BMP2K: variants seen among roughly 807,000 people sequenced by gnomAD.
BMP2K encodes the protein BMP2 inducible kinase, also known as BMP-2-inducible protein kinase.
BMP2K carries 74 observed loss-of-function variants against 116.0 expected under a neutral mutation model. The observed-to-expected ratio is 0.64, with a 90% CI of 0.53 to 0.77. The LOEUF (loss-of-function observed/expected upper bound fraction) is 0.77. BMP2K is among the 30% of genes least tolerant of loss of function. BMP2K has a pLI of 0.00. For synonymous variants in BMP2K, 486 were observed against 502.5 expected, an observed-to-expected ratio of 0.97 and a Z score of 0.44; for missense variants, 1,365 against 1,403.6, an observed-to-expected ratio of 0.97 and a Z score of 0.44.
rs77857328 is a variant in BMP2K at position 78,905,812 on chromosome 4, AT to A, written c.2063-4787del. Among the ~76,000 whole-genome samples, 109 of 149,780 alleles carry A rather than the reference AT, an allele frequency of 7.3e-4. 3 individuals are homozygous for A. The East Asian group carries it at 0.017, about 24-fold the overall frequency. On this transcript the variant is annotated intron_variant, in intron 15 of 15. Coordinates refer to ENST00000502613, the MANE Select transcript of BMP2K (RefSeq NM_198892.2). Reference sequence around the variant, plus strand: ...GACACAAATAGTGGGAAGATCTGAAATTTTTTTTTTTAAATTATAGGAATAT... The same window carrying A: ...GACACAAATAGTGGGAAGATCTGAAATTTTTTTTTTAAATTATAGGAATAT...
chr4:78,809,056 C>T (rs891803635), intron 1 of BMP2K, among the ~76,000 whole-genome samples: 1 of 152,212 alleles, frequency 6.6e-6, no homozygotes, highest in African/African-American at 2.4e-5. Context: ...GTATTGAATT[C>T]TCCAACTACT....
intron 8 of BMP2K, 22 bp from the exon 9 acceptor site, chr4:78,861,367 G>A (rs758642777): frequency 9.0e-6 from 14 of 1,560,644 alleles, no homozygotes; most frequent in Middle Eastern, 1.7e-4. Flanking sequence ...AAAATGAGAC[G>A]TTTTATTTTT....
At position 78,851,024 on chromosome 4, in the gene BMP2K, C is replaced by A. The variant is rs1385275066; in HGVS notation, c.851C>A (p.Ser284Tyr). The A allele has an allele frequency of 6.2e-7, 1 of 1,611,580 alleles. No individual in the cohort carries two copies. Among genetic ancestry groups the A allele is most frequent in the Non-Finnish European group, 8.5e-7 (1 of 1,178,636 alleles). The change falls in exon 7 of 16, where the codon TCT becomes TAT. Residue 284 changes from serine (S) to tyrosine (Y), a missense_variant. By Grantham distance (144) the Ser-to-Tyr change is moderately radical. Transcript: ENST00000502613. ...CDGNFTIPDN[S>Y]RYSRNIHCLI... ...GGCAACTTCACCATCCCAGACAATTCTCGTTACTCCCGTAACATACATTGC... is the reference window on the plus strand; with the variant it reads ...GGCAACTTCACCATCCCAGACAATTATCGTTACTCCCGTAACATACATTGC...
chr4:78,776,993 C>A (rs1727281713), intron 1 of BMP2K, among the ~76,000 whole-genome samples: 2 of 152,016 alleles, frequency 1.3e-5, no homozygotes, highest in Admixed American at 1.3e-4. Flanking sequence ...AGTAGACGGG[C>A]TAGGAAGTGG....
Position 78,872,675 on chromosome 4 carries a change from A to C in BMP2K, c.1670A>C (p.Gln557Pro). The change falls in exon 13 of 16, where the codon CAA (glutamine) becomes CCA (proline). Residue 557 changes from glutamine (Q) to proline (P), a missense_variant. Gln to Pro is a moderately conservative substitution (Grantham distance 76). Transcript: ENST00000502613. ...QQMLAQHQPSQQQASPEYLTS... is the reference protein window; with the variant it reads ...QQMLAQHQPSPQQASPEYLTS... ...ATGCTAGCTCAACATCAGCCGTCTCAACAACAGGCATCACCTGAATATCTT... is the reference window on the plus strand; with the variant it reads ...ATGCTAGCTCAACATCAGCCGTCTCCACAACAGGCATCACCTGAATATCTT... 6.2e-7 allele frequency: 1 copy of C among 1,614,148 alleles called. No homozygotes were observed. Among genetic ancestry groups the C allele is most frequent in the Non-Finnish European group, 8.5e-7 (1 of 1,180,006 alleles).
chr4:78,887,283 A>C lies in BMP2K; in HGVS notation c.2061A>C (p.Ser687=). 2.5e-6 allele frequency: 4 copies of C among 1,596,716 alleles called. No individual in the cohort carries two copies. The highest frequency in any genetic ancestry group is 3.4e-6 in the Non-Finnish European group (4 of 1,168,324). Residue 687 remains serine, a splice_region_variant and synonymous_variant, in exon 15 of 16, where the codon TCA becomes TCC. Transcript: ENST00000502613. ...PFGSVPFISH[S]GSPEKKAEHS... ...GTTCTGTTCCTTTCATTTCTCATTC[A>C]GGCAAGTTACACATGTAACATCATC...
intron 1 of BMP2K, among the ~76,000 whole-genome samples, chr4:78,824,559 C>T (rs1445090500): frequency 6.6e-6 from 1 of 152,156 alleles, no homozygotes; most frequent in African/African-American, 2.4e-5. Context: ...AGGCTCTGCC[C>T]TTGACGTGGG....
At chr4:78,879,526 T>A in intron 14 of BMP2K, 1 of 754,186 alleles carries the variant, frequency 1.3e-6, no homozygotes, top group Non-Finnish European at 1.6e-6. Context: ...TTTAGAAATG[T>A]CCTTTTTGAA....
intron 8 of BMP2K, among the ~76,000 whole-genome samples, chr4:78,860,302 C>A (rs183212560): frequency 1.2e-3 from 179 of 151,920 alleles, no homozygotes; most frequent in Non-Finnish European, 2.1e-3. Context: ...ATCCTTATAA[C>A]AAAGCTGCAC....
At position 78,776,719 on chromosome 4, in the gene BMP2K, A is replaced by C; in HGVS notation, c.176A>C (p.Glu59Ala). The change falls in exon 1 of 16, where the codon GAA (glutamate) becomes GCA (alanine). Residue 59 changes from glutamate (E) to alanine (A), a missense_variant and splice_region_variant. This residue lies in a region of BMP2K where 762 missense variants were observed against 756.7 expected (regional missense o/e 1.01). Coordinates refer to ENST00000502613, the MANE Select transcript of BMP2K (RefSeq NM_198892.2). ...GTCACCCTGGAAGAGTCGCTGGCCGAAGGTACGGGCGCCCGGGGAGGCTCG... is the reference window on the plus strand; with the variant it reads ...GTCACCCTGGAAGAGTCGCTGGCCGCAGGTACGGGCGCCCGGGGAGGCTCG... ...HQVTLEESLA[E>A]GGFSTVFLVR... 2 of 1,266,026 alleles carry C rather than the reference A, an allele frequency of 1.6e-6. No homozygotes were observed. Among genetic ancestry groups the C allele is most frequent in the Non-Finnish European group, 2.0e-6 (2 of 1,001,832 alleles). The allele number at this position is 1,266,026 out of a possible 1,614,324, so 78.4% of individuals were successfully genotyped here.
intron 3 of BMP2K, among the ~76,000 whole-genome samples, 194 bp downstream of exon 3, chr4:78,833,881 A>G (rs1577910162): frequency 1.3e-5 from 2 of 152,298 alleles, no homozygotes; most frequent in Middle Eastern, 6.8e-3. Context: ...TTATGATATG[A>G]GCATGTAAAC....
chr4:78,796,939 A>G (rs2109946597), intron 1 of BMP2K, among the ~76,000 whole-genome samples: 1 of 152,340 alleles, frequency 6.6e-6, no homozygotes. Context: ...GTGACTGGGA[A>G]TAAAGAAAAG....
At chr4:78,835,251 A>G (rs762812886) in intron 3 of BMP2K, among the ~76,000 whole-genome samples, 2 of 152,194 alleles carry the variant, frequency 1.3e-5, no homozygotes, top group Non-Finnish European at 2.9e-5. Context: ...AGAAATAGTT[A>G]TCCGGTATTC....
intron 1 of BMP2K, among the ~76,000 whole-genome samples, chr4:78,803,217 T>C (rs1436340331): frequency 6.6e-6 from 1 of 152,174 alleles, no homozygotes; most frequent in Non-Finnish European, 1.5e-5. Context: ...TAACATTCCT[T>C]TATATTTTAT....
chr4:78,849,684 A>G (rs899500063), intron 6 of BMP2K, among the ~76,000 whole-genome samples: 3 of 151,658 alleles, frequency 2.0e-5, no homozygotes, highest in Non-Finnish European at 3.0e-5. Flanking sequence ...AAAGCATCAT[A>G]AATCTTTTGT....
chr4:78,797,338 G>T (rs1410450293), intron 1 of BMP2K, among the ~76,000 whole-genome samples: 1 of 152,150 alleles, frequency 6.6e-6, no homozygotes, highest in Admixed American at 6.5e-5. Context: ...GATCAAATCA[G>T]TCCATTATGA....
At chr4:78,794,101 G>A (rs1728138952) in intron 1 of BMP2K, among the ~76,000 whole-genome samples, 1 of 152,164 alleles carries the variant, frequency 6.6e-6, no homozygotes. Flanking sequence ...CCAAAGAAAA[G>A]TGAGAAACTG....
intron 14 of BMP2K, among the ~76,000 whole-genome samples, chr4:78,885,373 G>T (rs1228246104): frequency 6.6e-6 from 1 of 152,168 alleles, no homozygotes; most frequent in East Asian, 1.9e-4. Context: ...GGACAGCAGT[G>T]TCAGTATCAC....
intron 14 of BMP2K, among the ~76,000 whole-genome samples, chr4:78,882,703 A>T (rs1732922200): frequency 6.6e-6 from 1 of 151,954 alleles, no homozygotes; most frequent in Non-Finnish European, 1.5e-5. Flanking sequence ...TCATTTATTG[A>T]TGGTGGATTT....
Sources: allele counts gnomAD v4.1 joint callset (sites outside exome capture counted in the v4.1 genomes callset), GRCh38; gene constraint gnomAD v4.1.1; regional missense constraint gnomAD v4.1.1; transcripts MANE v1.5; gene names NCBI Gene and HGNC (gene_info 2026-07-23, HGNC 2026-07-21).